FBXL20: variants seen among roughly 807,000 people sequenced by gnomAD.
FBXL20 encodes F-box and leucine rich repeat protein 20.
Under a neutral mutation model 64.0 loss-of-function variants are expected in FBXL20, and 11 were observed. The ratio of observed to expected loss-of-function variants is 0.17; its 90% CI spans 0.11 to 0.28. FBXL20 has a LOEUF of 0.28. Ranked by LOEUF, FBXL20 falls within the 10% of genes least tolerant of loss-of-function variation. FBXL20 has a pLI of 1.00. For synonymous variants in FBXL20, 184 were observed against 189.0 expected, an observed-to-expected ratio of 0.97 and a Z score of 0.22; for missense variants, 303 against 526.2, an observed-to-expected ratio of 0.58 and a Z score of 4.15.
chr17:39,342,298 G>C (rs891970361), intron 2 of FBXL20, among the ~76,000 whole-genome samples: 1 of 151,938 alleles, frequency 6.6e-6, no homozygotes, highest in Non-Finnish European at 1.5e-5. Context: ...GGGTACAGTG[G>C]CTCAAGTCTG....
intron 6 of FBXL20, among the ~76,000 whole-genome samples, chr17:39,294,978 A>T (rs887999229): frequency 1.4e-4 from 21 of 152,238 alleles, no homozygotes; most frequent in Admixed American, 2.6e-4. Context: ...CAAAACAAAA[A>T]AAGTTAATGC....
Position 39,264,949 on chromosome 17 carries a change from G to C in FBXL20, c.990+448C>G, listed in dbSNP as rs79637686. 2.7e-4 allele frequency among the ~76,000 whole-genome samples: 41 copies of C among 152,258 alleles called. No individual in the cohort carries two copies. In the East Asian group the frequency reaches 6.8e-3, roughly 25 times the overall value. On this transcript the variant is annotated intron_variant, in intron 13 of 14. Transcript: ENST00000264658. ...ACCAAAAATGAGCCTGGATACAACA[G>C]AACAGTCACTCAGAATGCCTTCCTC... is the stretch of plus-strand genomic sequence containing the variant.
chr17:39,283,473 TCA>T lies in FBXL20; in HGVS notation c.495-620_495-619del, dbSNP rs1270023061. Reference sequence around the variant, plus strand: ...TTTTTTGAGACAGGGTCTCGTTCTGTCACCCAGGCTGGAGTGCAGTGGCGCCA... The same window carrying T: ...TTTTTTGAGACAGGGTCTCGTTCTGTCCCAGGCTGGAGTGCAGTGGCGCCA... On this transcript the variant is annotated intron_variant, in intron 7 of 14. Coordinates refer to ENST00000264658, the MANE Select transcript of FBXL20 (RefSeq NM_032875.3). Among the ~76,000 whole-genome samples the T allele has an allele frequency of 7.9e-5, 12 of 152,120 alleles. No individual in the cohort carries two copies. In the East Asian group the frequency reaches 2.3e-3, roughly 29 times the overall value.
chr17:39,276,460 G>C (rs1359555425), intron 9 of FBXL20, among the ~76,000 whole-genome samples: 1 of 151,742 alleles, frequency 6.6e-6, no homozygotes, highest in Non-Finnish European at 1.5e-5. Context: ...CACGAGGTCA[G>C]GAGTTGGAGA....
At chr17:39,331,094 T>G (rs563135214) in intron 2 of FBXL20, among the ~76,000 whole-genome samples, 1 of 152,170 alleles carries the variant, frequency 6.6e-6, no homozygotes, top group African/African-American at 2.4e-5. Context: ...CCACCACACC[T>G]GGCTAATTTT....
intron 2 of FBXL20, among the ~76,000 whole-genome samples, chr17:39,310,818 T>A (rs553863670): frequency 2.0e-4 from 30 of 152,136 alleles, no homozygotes; most frequent in African/African-American, 5.5e-4. Flanking sequence ...AAACCCAGTC[T>A]CTACTAAAAT....
intron 6 of FBXL20, among the ~76,000 whole-genome samples, chr17:39,286,140 T>C (rs1233154296): frequency 5.9e-5 from 9 of 152,184 alleles, no homozygotes; most frequent in Non-Finnish European, 1.3e-4. Flanking sequence ...TAACAGATCA[T>C]GGAAAACTTC....
At chr17:39,269,662 C>G (rs1004289599) in intron 11 of FBXL20, among the ~76,000 whole-genome samples, 5 of 152,196 alleles carry the variant, frequency 3.3e-5, no homozygotes, top group African/African-American at 1.2e-4. Context: ...CCATCACCGG[C>G]TAATTTTGTG....
At chr17:39,336,843 AAAAG>A (rs1422161369) in intron 2 of FBXL20, among the ~76,000 whole-genome samples, 1 of 151,910 alleles carries the variant, frequency 6.6e-6, no homozygotes, top group Non-Finnish European at 1.5e-5. Context: ...AAAGAAAAGA[AAAAG>A]AAAGTAGAAA....
chr17:39,394,908 T>C (rs920481914), intron 1 of FBXL20, among the ~76,000 whole-genome samples: 4 of 152,238 alleles, frequency 2.6e-5, no homozygotes, highest in East Asian at 3.9e-4. Flanking sequence ...GTTTCTAGTA[T>C]GTTACTAGTT....
At chr17:39,264,499 G>GA in intron 13 of FBXL20, 112 bp from the exon 14 acceptor site, 1 of 1,129,774 alleles carries the variant, frequency 8.9e-7, no homozygotes, top group Admixed American at 2.3e-5. Context: ...GATGAATATG[G>GA]AGCTGGCACT....
Position 39,400,598 on chromosome 17 carries a change from T to C in FBXL20, c.42+763A>G, listed in dbSNP as rs1255657253. On this transcript the variant is annotated intron_variant, in intron 1 of 14. Transcript: ENST00000264658. ...TACAATATTTCACTTCCCAAAGGAA[T>C]CTCTTCCTTGCAAGATGACTACTCT... 2.0e-5 allele frequency among the ~76,000 whole-genome samples: 3 copies of C among 152,172 alleles called. No homozygotes were observed. The South Asian group carries it at 6.2e-4, about 32-fold the overall frequency.
At chr17:39,381,619 G>A (rs935254099) in intron 1 of FBXL20, among the ~76,000 whole-genome samples, 5 of 151,710 alleles carry the variant, frequency 3.3e-5, no homozygotes, top group South Asian at 2.1e-4. Context: ...GTGAAACCCC[G>A]TGTCTACAAA....
intron 2 of FBXL20, among the ~76,000 whole-genome samples, chr17:39,334,187 C>G (rs2047496589): frequency 6.6e-6 from 1 of 152,162 alleles, no homozygotes; most frequent in African/African-American, 2.4e-5. Flanking sequence ...CCCGTGCTCT[C>G]TGAAACATGT....
At chr17:39,308,409 C>G (rs2047202248) in intron 2 of FBXL20, among the ~76,000 whole-genome samples, 1 of 151,848 alleles carries the variant, frequency 6.6e-6, no homozygotes, top group Non-Finnish European at 1.5e-5. Context: ...GAAAGAGGAT[C>G]ACTTGAGCTC....
chr17:39,389,705 C>T (rs545397335), intron 1 of FBXL20, among the ~76,000 whole-genome samples: 4 of 152,274 alleles, frequency 2.6e-5, no homozygotes, highest in African/African-American at 9.6e-5. Context: ...GTAGTCCCAA[C>T]TACTCAGGAG....
At chr17:39,384,793 A>G (rs2048061464) in intron 1 of FBXL20, among the ~76,000 whole-genome samples, 1 of 151,898 alleles carries the variant, frequency 6.6e-6, no homozygotes, top group Non-Finnish European at 1.5e-5. Flanking sequence ...CCCCGTCTCT[A>G]CTAAAAATAC....
At chr17:39,363,738 A>AAGTTGAAG (rs1240609413) in intron 1 of FBXL20, among the ~76,000 whole-genome samples, 1 of 146,370 alleles carries the variant, frequency 6.8e-6, no homozygotes, top group African/African-American at 2.6e-5. Flanking sequence ...TTAAGCCCGG[A>AAGTTGAAG]AGTTGAAGGC....
chr17:39,295,807 T>TATATATATATATATATA (rs1567867921), intron 6 of FBXL20, among the ~76,000 whole-genome samples: 1 of 126,568 alleles, frequency 7.9e-6, no homozygotes, highest in Non-Finnish European at 1.7e-5. Context: ...ATATATATAT[T>TATATATATATATATATA]AAGTCTTCTG....
Sources: gnomAD v4.1 joint callset for allele counts (sites outside exome capture counted in the v4.1 genomes callset) on GRCh38, gnomAD v4.1.1 for gene constraint, MANE v1.5 for transcripts, NCBI Gene and HGNC (gene_info 2026-07-23, HGNC 2026-07-21) for gene names.